The following RGL3 variants were observed in gnomAD, a reference collection of about 807,000 sequenced individuals.
RGL3 encodes ral guanine nucleotide dissociation stimulator like 3.
Under a neutral mutation model 90.6 loss-of-function variants are expected in RGL3, and 85 were observed. The observed-to-expected ratio is 0.94, with a 90% CI of 0.79 to 1.12. The LOEUF is 1.12. Among genes scored for constraint, RGL3 ranks in the 50% most tolerant of loss-of-function variants. RGL3 has a pLI of 0.00. For missense variants in RGL3, 1,034 were observed against 939.2 expected, an observed-to-expected ratio of 1.10 and a Z score of -1.32; for synonymous variants, 408 against 385.5, an observed-to-expected ratio of 1.06 and a Z score of -0.68.
At chr19:11,409,107 G>A (rs893486798) in intron 5 of RGL3, among the ~76,000 whole-genome samples, 26 of 151,806 alleles carry the variant, frequency 1.7e-4, no homozygotes, top group African/African-American at 5.8e-4. Flanking sequence ...CTAGAAGGTG[G>A]AGGTTGCAGT....
At chr19:11,395,759 C>T (rs1968553535) in intron 18 of RGL3, among the ~76,000 whole-genome samples, 1 of 151,644 alleles carries the variant, frequency 6.6e-6, no homozygotes, top group Admixed American at 6.6e-5. Context: ...TCCTGAGTAG[C>T]TGGGACTATA....
chr19:11,402,327 C>A (rs753144895), intron 11 of RGL3, 80 bp from the exon 12 acceptor site: 12 of 1,599,370 alleles, frequency 7.5e-6, no homozygotes, highest in Non-Finnish European at 1.0e-5. Flanking sequence ...ATGTCAGGAG[C>A]CCCACTGTAG....
chr19:11,395,829 A>T (rs576656539), intron 18 of RGL3, among the ~76,000 whole-genome samples: 2 of 150,846 alleles, frequency 1.3e-5, no homozygotes, highest in Non-Finnish European at 2.9e-5. Context: ...AGGCTTCACC[A>T]TGTTGGCCAG....
At chr19:11,409,221 C>T (rs1486940452) in intron 5 of RGL3, among the ~76,000 whole-genome samples, 6 of 146,444 alleles carry the variant, frequency 4.1e-5, no homozygotes, top group African/African-American at 1.5e-4. Flanking sequence ...TGGCTCACGC[C>T]TGTAATCCCA....
At position 11,397,363 on chromosome 19, in the gene RGL3, AAG is replaced by A; in HGVS notation, c.1900-7_1900-6del. The A allele has an allele frequency of 6.3e-7, 1 of 1,597,648 alleles. No individual in the cohort carries two copies. Among genetic ancestry groups the A allele is most frequent in the Middle Eastern group, 1.7e-4 (1 of 5,962 alleles). On this transcript the variant is annotated splice_region_variant and splice_polypyrimidine_tract_variant and intron_variant, in intron 17 of 18. Transcript: ENST00000380456. ...GGCTTTGTCCTGACTGGTCAGCTGG[AAG>A]AGAGGGGCGGGAGGTGAGGTGAGGG...
Position 11,406,534 on chromosome 19 carries a change from G to A in RGL3, c.881C>T (p.Thr294Ile), listed in dbSNP as rs745582750. The change falls in exon 7 of 19, where the codon ACC (threonine) becomes ATC (isoleucine). Residue 294 changes from threonine to isoleucine, a missense_variant. Physicochemically the swap from Thr to Ile is moderately conservative, Grantham distance 89. Coordinates refer to ENST00000380456, the MANE Select transcript of RGL3 (RefSeq NM_001035223.4). The part of the protein sequence containing the change: ...AAGASPTVRA[T>I]VAQFNTVTGC... Reference sequence around the variant, plus strand: ...GGTCACGGTGTTGAACTGGGCCACGGTGGCGCGCACAGTGGGGGAGGCGCC... The same window carrying A: ...GGTCACGGTGTTGAACTGGGCCACGATGGCGCGCACAGTGGGGGAGGCGCC... 2 of 1,550,542 alleles carry A rather than the reference G, an allele frequency of 1.3e-6. No individual in the cohort carries two copies. The highest frequency in any genetic ancestry group is 1.7e-6 in the Non-Finnish European group (2 of 1,148,332).
chr19:11,404,837 G>C (rs1299828298), intron 9 of RGL3, among the ~76,000 whole-genome samples: 6 of 152,126 alleles, frequency 3.9e-5, no homozygotes, highest in Non-Finnish European at 8.8e-5. Flanking sequence ...TGCTTATCAA[G>C]GTAAAGTCCT....
chr19:11,410,324 T>A (rs1968851953), intron 5 of RGL3, among the ~76,000 whole-genome samples: 1 of 151,840 alleles, frequency 6.6e-6, no homozygotes, highest in Non-Finnish European at 1.5e-5. Context: ...TTTAAAATAA[T>A]CTTTGTAAAT....
intron 16 of RGL3, 154 bp from the exon 17 acceptor site, chr19:11,397,751 G>A (rs1217126910): frequency 1.2e-5 from 9 of 770,374 alleles, no homozygotes; most frequent in Non-Finnish European, 1.9e-6. Context: ...GCTCATGCCT[G>A]TAATCTCAGC....
rs1968786663 is a variant in RGL3 at position 11,406,621 on chromosome 19, T to C, written c.794A>G (p.Lys265Arg). The C allele has an allele frequency of 6.4e-7, 1 of 1,559,094 alleles. No homozygotes were observed. The highest frequency in any genetic ancestry group is 8.7e-7 in the Non-Finnish European group (1 of 1,151,392). ...LTLIDLELFS[K>R]VRLYECLGSV... Reference sequence around the variant, plus strand: ...GCCCAAGCACTCGTAGAGCCTCACCTTGGAGAAGAGCTCCTGGGCCAGGGG... The same window carrying C: ...GCCCAAGCACTCGTAGAGCCTCACCCTGGAGAAGAGCTCCTGGGCCAGGGG... The change falls in exon 7 of 19, where the codon AAG (lysine) becomes AGG (arginine). Residue 265 changes from lysine to arginine, a missense_variant. Lys to Arg is a conservative substitution (Grantham distance 26). Coordinates refer to ENST00000380456, the MANE Select transcript of RGL3 (RefSeq NM_001035223.4).
intron 2 of RGL3, chr19:11,418,470 T>G: frequency 1.7e-6 from 1 of 583,478 alleles, no homozygotes; most frequent in Non-Finnish European, 3.0e-6. Context: ...GGCCATCGCC[T>G]GGCCCCACCC....
At chr19:11,418,521 T>G in intron 2 of RGL3, 150 bp downstream of exon 2, 1 of 580,846 alleles carries the variant, frequency 1.7e-6, no homozygotes, top group Non-Finnish European at 3.0e-6. Flanking sequence ...CCGCCCCCAG[T>G]CCCCTTTCTA....
chr19:11,413,231 G>GAAAAAAA (rs765531257), intron 5 of RGL3, among the ~76,000 whole-genome samples: 1 of 89,206 alleles, frequency 1.1e-5, no homozygotes. Context: ...TTTTGAAAAA[G>GAAAAAAA]AAAAAAAAAA....
chr19:11,399,315 C>T (rs1032416054), intron 16 of RGL3, among the ~76,000 whole-genome samples: 2 of 151,966 alleles, frequency 1.3e-5, no homozygotes, highest in African/African-American at 4.8e-5. Flanking sequence ...ACCTGTAATC[C>T]CAGCACTTTG....
intron 5 of RGL3, among the ~76,000 whole-genome samples, chr19:11,408,569 A>G (rs1568339556): frequency 6.7e-6 from 1 of 149,772 alleles, no homozygotes; most frequent in South Asian, 2.2e-4. Flanking sequence ...CTGGCGACAG[A>G]GCGAGACTCC....
In RGL3 at chr19:11,400,405, G is replaced by T. The variant is rs1968654309; in HGVS notation, c.1485-108C>A. Reference sequence around the variant, plus strand: ...TGGGTTTGGGGTGTAAGGGGGAGCAGCCAGAGGTGGCACCCCACATGCCAG... The same window carrying T: ...TGGGTTTGGGGTGTAAGGGGGAGCATCCAGAGGTGGCACCCCACATGCCAG... On this transcript the variant is annotated intron_variant, in intron 13 of 18. Transcript: ENST00000380456. 3.6e-6 allele frequency: 3 copies of T among 826,122 alleles called. No individual in the cohort carries two copies. The South Asian group carries it at 6.4e-5, about 18-fold the overall frequency. 51.2% of individuals were successfully genotyped at this position (826,122 alleles called of 1,614,324 possible). A position where few individuals can be genotyped will look rare whatever the true frequency, so the allele number is the denominator to read the frequency against.
chr19:11,406,606 T>G lies in RGL3; in HGVS notation c.809A>C (p.Glu270Ala). 1 of 1,554,654 alleles carries G rather than the reference T, an allele frequency of 6.4e-7. No homozygotes were observed. Among genetic ancestry groups the G allele is most frequent in the East Asian group, 2.4e-5 (1 of 41,396 alleles). The change falls in exon 7 of 19, where the codon GAG becomes GCG. Residue 270 changes from glutamate to alanine, a missense_variant. Glu to Ala is a moderately radical substitution (Grantham distance 107). Transcript: ENST00000380456. ...LELFSKVRLYECLGSVWSQRD... is the reference protein window; with the variant it reads ...LELFSKVRLYACLGSVWSQRD... ...CTGCGACCACACGGAGCCCAAGCAC[T>G]CGTAGAGCCTCACCTTGGAGAAGAG...
chr19:11,405,339 A>T lies in RGL3; in HGVS notation c.1084T>A (p.Trp362Arg). ...SNPIYRLKRS[W>R]GAVSREPLST... ...CCAGCTCACCGGCTCACTGCCCCCC[A>T]GCTGCGCTTGAGCCGGTAGATGGGG... is the stretch of plus-strand genomic sequence containing the variant. Residue 362 changes from tryptophan to arginine, a missense_variant, in exon 8 of 19, where the codon TGG becomes AGG. Coordinates refer to ENST00000380456, the MANE Select transcript of RGL3 (RefSeq NM_001035223.4). 6.2e-7 allele frequency: 1 copy of T among 1,613,306 alleles called. No individual in the cohort carries two copies. The highest frequency in any genetic ancestry group is 1.3e-5 in the African/African-American group (1 of 74,980).
intron 9 of RGL3, among the ~76,000 whole-genome samples, chr19:11,404,815 A>AT (rs1183686550): frequency 1.3e-5 from 2 of 152,098 alleles, no homozygotes; most frequent in African/African-American, 4.8e-5. Context: ...TTTGACACAC[A>AT]TTTTTTAGTT....
Sources: allele counts gnomAD v4.1 joint callset (sites outside exome capture counted in the v4.1 genomes callset), GRCh38; gene constraint gnomAD v4.1.1; transcripts MANE v1.5; gene names NCBI Gene and HGNC (gene_info 2026-07-23, HGNC 2026-07-21).